The following GABRG1 variants were observed in gnomAD, a reference collection of about 807,000 sequenced individuals.
The protein encoded by GABRG1 is gamma-aminobutyric acid type A receptor subunit gamma1, also known as gamma-aminobutyric acid receptor subunit gamma-1.
A neutral mutation model predicts 49.8 loss-of-function variants in GABRG1; 49 were observed. That is an observed-to-expected ratio of 0.98 (90% CI 0.78 to 1.25). The LOEUF is 1.25. Among genes scored for constraint, GABRG1 ranks in the 50% most tolerant of loss-of-function variants. GABRG1 has a pLI of 0.00. For missense variants in GABRG1, 552 were observed against 552.3 expected (o/e 1.00, Z 0.01); for synonymous variants, 232 against 185.1 (o/e 1.25, Z -2.06).
At chr4:46,053,731 A>C (rs1718332078) in intron 7 of GABRG1, among the ~76,000 whole-genome samples, 1 of 152,026 alleles carries the variant, frequency 6.6e-6, no homozygotes, top group Non-Finnish European at 1.5e-5. Flanking sequence ...TACTTTATTA[A>C]GTTTCTGTTA....
At chr4:46,103,684 C>A (rs934319021) in intron 1 of GABRG1, among the ~76,000 whole-genome samples, 1 of 151,270 alleles carries the variant, frequency 6.6e-6, no homozygotes. Flanking sequence ...ATCATGACTA[C>A]CACTATTATT....
chr4:46,088,730 C>T (rs1336493951), intron 2 of GABRG1, among the ~76,000 whole-genome samples: 2 of 127,902 alleles, frequency 1.6e-5, no homozygotes, highest in Admixed American at 7.9e-5. Flanking sequence ...GTATATCCCA[C>T]TATAAAATAC....
chr4:46,088,738 TACACACAC>T (rs3069480), intron 2 of GABRG1, among the ~76,000 whole-genome samples: 11 of 142,810 alleles, frequency 7.7e-5, no homozygotes, highest in Non-Finnish European at 1.2e-4. Context: ...CACTATAAAA[TACACACAC>T]ACACACACAC....
chr4:46,093,634 G>A (rs975525676), intron 2 of GABRG1, among the ~76,000 whole-genome samples: 2 of 151,738 alleles, frequency 1.3e-5, no homozygotes, highest in Admixed American at 6.6e-5. Context: ...ATAAATACTC[G>A]AGGTGACTAC....
At chr4:46,074,766 T>C (rs952991476) in intron 3 of GABRG1, among the ~76,000 whole-genome samples, 1 of 152,104 alleles carries the variant, frequency 6.6e-6, no homozygotes, top group Non-Finnish European at 1.5e-5. Context: ...GAATAAGGGA[T>C]AAGGTATTGT....
intron 1 of GABRG1, among the ~76,000 whole-genome samples, chr4:46,113,913 A>G (rs1371468149): frequency 6.6e-6 from 1 of 151,170 alleles, no homozygotes; most frequent in Non-Finnish European, 1.5e-5. Context: ...TAAACACAGT[A>G]TTTCAGGGAA....
chr4:46,098,783 T>C (rs1397832642), intron 1 of GABRG1, among the ~76,000 whole-genome samples: 1 of 151,696 alleles, frequency 6.6e-6, no homozygotes, highest in African/African-American at 2.4e-5. Context: ...TTCAGTTCCA[T>C]TTCCCAAACA....
intron 2 of GABRG1, among the ~76,000 whole-genome samples, chr4:46,089,305 G>C (rs146973610): frequency 6.6e-6 from 1 of 151,984 alleles, no homozygotes. Flanking sequence ...TTATTTATAC[G>C]TCAAGCCTTT....
chr4:46,123,067 T>TTCTG lies in GABRG1; in HGVS notation c.104+742_104+743insCAGA, dbSNP rs1553884839. Among the ~76,000 whole-genome samples, 634 of 144,048 alleles carry TTCTG rather than the reference T, an allele frequency of 4.4e-3. 10 individuals are homozygous for TTCTG. The highest frequency in any genetic ancestry group is 0.015 in the African/African-American group (602 of 39,002). 94.5% of individuals were successfully genotyped at this position (144,048 alleles called of 152,430 possible). ...TTGAAATTTGTGATCGGTGACACTT[T>TTCTG]TCTCTCTCTCTCTCTCTCTGTCCCA... is the stretch of plus-strand genomic sequence containing the variant. On this transcript the variant is annotated intron_variant, in intron 1 of 8. Transcript: ENST00000295452.
Position 46,054,927 on chromosome 4 carries a change from A to C in GABRG1, c.917-3289T>G, listed in dbSNP as rs1247876060. 2.5e-5 allele frequency among the ~76,000 whole-genome samples: 2 copies of C among 79,894 alleles called. 1 individual carries two copies. The highest frequency in any genetic ancestry group is 1.3e-4 in the African/African-American group (2 of 15,548). 52.4% of individuals were successfully genotyped at this position (79,894 alleles called of 152,430 possible). ...AGAGAGGGCATCCCTGTCTTGTGCC[A>C]GTTTTCAAAGGGAATGCTTCCAGTT... is the stretch of plus-strand genomic sequence containing the variant. On this transcript the variant is annotated intron_variant, in intron 7 of 8. Coordinates refer to ENST00000295452, the MANE Select transcript of GABRG1 (RefSeq NM_173536.4).
At chr4:46,107,165 AT>A (rs1418675389) in intron 1 of GABRG1, among the ~76,000 whole-genome samples, 1 of 151,052 alleles carries the variant, frequency 6.6e-6, no homozygotes, top group African/African-American at 2.4e-5. Flanking sequence ...CATTCATTCC[AT>A]TTTTTGTACC....
At chr4:46,079,284 T>C (rs1251219218) in intron 3 of GABRG1, among the ~76,000 whole-genome samples, 4 of 151,794 alleles carry the variant, frequency 2.6e-5, no homozygotes, top group African/African-American at 9.7e-5. Context: ...CCCAGGTGAC[T>C]TCCCAGCTCC....
chr4:46,059,902 A>G (rs1232494490), intron 5 of GABRG1, among the ~76,000 whole-genome samples: 1 of 152,102 alleles, frequency 6.6e-6, no homozygotes, highest in East Asian at 1.9e-4. Context: ...TGCTTCTTTG[A>G]GGAACTGCTT....
intron 1 of GABRG1, among the ~76,000 whole-genome samples, chr4:46,117,606 C>CTATA (rs781217307): frequency 1.4e-4 from 19 of 136,254 alleles, no homozygotes; most frequent in South Asian, 4.3e-4. Flanking sequence ...CTCTCTCTCT[C>CTATA]TCTCTCTATA....
At chr4:46,060,835 A>T (rs1718644646) in intron 5 of GABRG1, among the ~76,000 whole-genome samples, 1 of 152,158 alleles carries the variant, frequency 6.6e-6, no homozygotes, top group African/African-American at 2.4e-5. Context: ...TAGACATAGT[A>T]TACAGTAGTG....
intron 2 of GABRG1, among the ~76,000 whole-genome samples, chr4:46,095,296 T>C (rs1720130316): frequency 6.6e-6 from 1 of 151,698 alleles, no homozygotes; most frequent in Non-Finnish European, 1.5e-5. Flanking sequence ...TGGGAATTCG[T>C]GAAGAAGAAA....
rs542665955 is a variant in GABRG1 at position 46,046,192 on chromosome 4, T to A, written c.1132-4938A>T. On this transcript the variant is annotated intron_variant, in intron 8 of 8. Transcript: ENST00000295452. ...TCCACTATTACTGTTAAAATTAATT[T>A]TTTTAAATGGGAATTTTACTCAATG... 1.6e-4 allele frequency among the ~76,000 whole-genome samples: 25 copies of A among 152,252 alleles called. No individual in the cohort carries two copies. The East Asian group carries it at 4.6e-3, about 28-fold the overall frequency.
chr4:46,097,331 A>G lies in GABRG1; in HGVS notation c.123T>C (p.Asp41=). 1 of 1,608,820 alleles carries G rather than the reference A, an allele frequency of 6.2e-7. No individual in the cohort carries two copies. Among genetic ancestry groups the G allele is most frequent in the Non-Finnish European group, 8.5e-7 (1 of 1,177,172 alleles). Residue 41 remains aspartate, a synonymous_variant, in exon 2 of 9, where the codon GAT becomes GAC. Transcript: ENST00000295452. ...TCACCGTTAAATCCTCATCATCTTC[A>G]TCATCTGCCTTATCAACACTAAATA... ...HLGNCVDKAD[D]EDDEDLTVNK...
chr4:46,070,323 T>C (rs1365247192), intron 3 of GABRG1, among the ~76,000 whole-genome samples: 3 of 151,894 alleles, frequency 2.0e-5, no homozygotes, highest in Non-Finnish European at 4.4e-5. Context: ...TATATAATAT[T>C]CTGTATAAAA....
Sources: gnomAD v4.1 joint callset for allele counts (sites outside exome capture counted in the v4.1 genomes callset) on GRCh38, gnomAD v4.1.1 for gene constraint, MANE v1.5 for transcripts, NCBI Gene and HGNC (gene_info 2026-07-23, HGNC 2026-07-21) for gene names.